Variants in SIDT1 observed in about 807,000 individuals in gnomAD.
The protein encoded by SIDT1 is SID1 transmembrane family, member 1.
SIDT1 carries 101 observed loss-of-function variants against 107.5 expected under a neutral mutation model. That is an observed-to-expected ratio of 0.94 (90% CI 0.80 to 1.11). The LOEUF (loss-of-function observed/expected upper bound fraction) is 1.11. Among genes scored for constraint, SIDT1 ranks in the 50% least tolerant of loss-of-function variants. The probability of loss-of-function intolerance (pLI) is 0.00; values close to 1 mark genes in which losing one functional copy is unlikely to be tolerated. For synonymous variants in SIDT1, 395 were observed against 398.2 expected, an observed-to-expected ratio of 0.99 and a Z score of 0.10; for missense variants, 1,076 against 1,058.2, an observed-to-expected ratio of 1.02 and a Z score of -0.23.
intron 1 of SIDT1, among the ~76,000 whole-genome samples, chr3:113,564,996 T>G (rs80313963): frequency 6.6e-6 from 1 of 152,302 alleles, no homozygotes; most frequent in Admixed American, 6.5e-5. Flanking sequence ...ATATATGACA[T>G]CTATGCTATT....
At chr3:113,571,330 A>G (rs1013890495) in intron 3 of SIDT1, among the ~76,000 whole-genome samples, 3 of 152,214 alleles carry the variant, frequency 2.0e-5, no homozygotes, top group African/African-American at 4.8e-5. Context: ...AGGCAAGAGG[A>G]CTGATTGAGC....
At chr3:113,599,544 G>A (rs1252812092) in intron 10 of SIDT1, among the ~76,000 whole-genome samples, 2 of 152,224 alleles carry the variant, frequency 1.3e-5, no homozygotes, top group Non-Finnish European at 2.9e-5. Context: ...AGGTTATTCA[G>A]CCTTTAAGCA....
At chr3:113,582,867 T>A (rs1209646727) in intron 6 of SIDT1, among the ~76,000 whole-genome samples, 7 of 152,124 alleles carry the variant, frequency 4.6e-5, no homozygotes, top group Non-Finnish European at 1.0e-4. Context: ...TAAGTCTGGG[T>A]TATAGAACTC....
At chr3:113,588,477 T>G (rs1943900966) in intron 9 of SIDT1, among the ~76,000 whole-genome samples, 2 of 152,234 alleles carry the variant, frequency 1.3e-5, no homozygotes, top group African/African-American at 4.8e-5. Flanking sequence ...CCTATGGGGT[T>G]TGTAGTACGT....
chr3:113,574,233 C>T (rs935259464), intron 3 of SIDT1, among the ~76,000 whole-genome samples: 1 of 152,168 alleles, frequency 6.6e-6, no homozygotes, highest in Admixed American at 6.5e-5. Flanking sequence ...GAATTAAGTA[C>T]ATGAGTGCGG....
At chr3:113,572,536 T>C (rs1028776339) in intron 3 of SIDT1, among the ~76,000 whole-genome samples, 2 of 152,178 alleles carry the variant, frequency 1.3e-5, no homozygotes, top group Non-Finnish European at 2.9e-5. Flanking sequence ...AGAGATCTGA[T>C]TTCTAGAGAT....
intron 10 of SIDT1, among the ~76,000 whole-genome samples, chr3:113,593,599 C>T (rs1944335092): frequency 1.3e-5 from 2 of 152,172 alleles, no homozygotes; most frequent in Admixed American, 1.3e-4. Flanking sequence ...CTAGGAGTGT[C>T]CCTTGTAATC....
At chr3:113,587,502 C>T (rs1218288509) in intron 9 of SIDT1, among the ~76,000 whole-genome samples, 4 of 152,180 alleles carry the variant, frequency 2.6e-5, no homozygotes, top group Non-Finnish European at 5.9e-5. Flanking sequence ...GTGTGCCAGG[C>T]TCTGTGCTCT....
chr3:113,567,475 C>A, intron 2 of SIDT1, 65 bp from the exon 3 acceptor site: 1 of 1,348,288 alleles, frequency 7.4e-7, no homozygotes, highest in South Asian at 1.4e-5. Flanking sequence ...GCTCCTTTCC[C>A]TGCTCATTCA....
At chr3:113,595,016 T>G (rs1944438361) in intron 10 of SIDT1, 1 of 154,348 alleles carries the variant, frequency 6.5e-6, no homozygotes, top group African/African-American at 2.4e-5. Context: ...TTGTGTTTCA[T>G]TGGCCTAGAG....
In SIDT1 at chr3:113,614,507, G is replaced by A. The variant is rs3773686; in HGVS notation, c.1967-1593G>A. Among the ~76,000 whole-genome samples the A allele has an allele frequency of 5.4e-3, 827 of 152,282 alleles. 13 individuals are homozygous for A. Among genetic ancestry groups the A allele is most frequent in the Admixed American group, 0.032 (496 of 15,302 alleles). ...TTGACAATGATTGTGTCTAAATTTAGTCCAAAGCCAGGAAGTTGGATTCAT... is the reference window on the plus strand; with the variant it reads ...TTGACAATGATTGTGTCTAAATTTAATCCAAAGCCAGGAAGTTGGATTCAT... On this transcript the variant is annotated intron_variant, in intron 19 of 24. Coordinates refer to ENST00000264852, the MANE Select transcript of SIDT1 (RefSeq NM_017699.3).
the SIDT1 span, among the ~76,000 whole-genome samples, chr3:113,636,941 T>C: frequency 6.6e-6 from 1 of 152,192 alleles, no homozygotes; most frequent in Non-Finnish European, 1.5e-5. Context: ...CCCTGTGAAG[T>C]ATGCAGGACA....
At chr3:113,541,996 T>A (rs988104739) in intron 1 of SIDT1, among the ~76,000 whole-genome samples, 1 of 151,118 alleles carries the variant, frequency 6.6e-6, no homozygotes, top group Non-Finnish European at 1.5e-5. Context: ...CGATCTTGAC[T>A]CACTGCAACC....
intron 10 of SIDT1, among the ~76,000 whole-genome samples, chr3:113,600,491 TA>T (rs1038444363): frequency 2.2e-4 from 34 of 152,098 alleles, no homozygotes; most frequent in African/African-American, 8.0e-4. Flanking sequence ...GTTGAAAATT[TA>T]AAAGACTAAA....
intron 9 of SIDT1, among the ~76,000 whole-genome samples, chr3:113,585,595 C>T (rs1309001128): frequency 6.6e-6 from 1 of 152,206 alleles, no homozygotes; most frequent in East Asian, 1.9e-4. Context: ...ATTTTTTAAA[C>T]CAGAAAATAC....
intron 1 of SIDT1, among the ~76,000 whole-genome samples, chr3:113,538,963 T>C (rs190557009): frequency 7.9e-4 from 121 of 152,344 alleles, no homozygotes; most frequent in Admixed American, 2.6e-3. Context: ...ATTGCCTAGT[T>C]CCATGAATTC....
At chr3:113,589,142 T>C (rs1943958471) in intron 9 of SIDT1, among the ~76,000 whole-genome samples, 4 of 152,174 alleles carry the variant, frequency 2.6e-5, no homozygotes. Flanking sequence ...CCAAAATAAG[T>C]CATGAGGGTA....
intron 7 of SIDT1, among the ~76,000 whole-genome samples, chr3:113,584,062 T>C (rs1943562279): frequency 6.6e-6 from 1 of 152,136 alleles, no homozygotes; most frequent in Non-Finnish European, 1.5e-5. Flanking sequence ...ACCCAGTAGC[T>C]ACCTTAAGGG....
chr3:113,627,591 C>A, intron 24 of SIDT1, 55 bp from the exon 25 acceptor site: 1 of 1,548,010 alleles, frequency 6.5e-7, no homozygotes, highest in South Asian at 1.1e-5. Flanking sequence ...GAAAACAGGA[C>A]TTAGTGTGAC....
Sources: allele counts gnomAD v4.1 joint callset (sites outside exome capture counted in the v4.1 genomes callset), GRCh38; gene constraint gnomAD v4.1.1; transcripts MANE v1.5; gene names NCBI Gene and HGNC (gene_info 2026-07-23, HGNC 2026-07-21).